Variants in SLC9A9 observed in about 807,000 individuals in gnomAD.
SLC9A9 encodes sodium/hydrogen exchanger 9.
SLC9A9 carries 62 observed loss-of-function variants against 77.8 expected under a neutral mutation model. The ratio of observed to expected loss-of-function variants is 0.80; its 90% CI spans 0.65 to 0.98. The LOEUF is 0.98. Ranked by LOEUF, SLC9A9 falls within the 50% of genes least tolerant of loss-of-function variation. The pLI is 0.00. For missense variants in SLC9A9, 775 were observed against 774.9 expected (o/e 1.00, Z 0.00); for synonymous variants, 320 against 283.5 (o/e 1.13, Z -1.29).
intron 12 of SLC9A9, among the ~76,000 whole-genome samples, chr3:143,422,226 A>G (rs148440947): frequency 6.6e-6 from 1 of 152,194 alleles, no homozygotes; most frequent in Non-Finnish European, 1.5e-5. Context: ...CCAAATGGTT[A>G]TCCCAGCAAT....
In SLC9A9 at chr3:143,670,963, C is replaced by G. The variant is rs142578765; in HGVS notation, c.650-18603G>C. 1.4e-4 allele frequency among the ~76,000 whole-genome samples: 21 copies of G among 152,304 alleles called. No individual in the cohort carries two copies. In the South Asian group the frequency reaches 2.3e-3, roughly 17 times the overall value. ...AAAGCTTGATTGGCACATCACTGTT[C>G]TATTTTGAGAAACAGCAATGGTGTA... On this transcript the variant is annotated intron_variant, in intron 5 of 15. Transcript: ENST00000316549.
chr3:143,269,584 G>A (rs553008084), intron 14 of SLC9A9, among the ~76,000 whole-genome samples: 7 of 152,246 alleles, frequency 4.6e-5, no homozygotes, highest in Non-Finnish European at 1.0e-4. Flanking sequence ...ATTCCAAAGT[G>A]CTCTAACAAG....
chr3:143,619,121 T>C lies in SLC9A9; in HGVS notation c.755+33134A>G, dbSNP rs112861964. Among the ~76,000 whole-genome samples, 985 of 152,336 alleles carry C rather than the reference T, an allele frequency of 6.5e-3. 12 individuals carry two copies. Among genetic ancestry groups the C allele is most frequent in the African/African-American group, 0.022 (903 of 41,568 alleles). On this transcript the variant is annotated intron_variant, in intron 6 of 15. Transcript: ENST00000316549. ...GTAGTTTTCTAAGCCCTGTATTTTA[T>C]TGATATTGTAGAGAGATGTTGAAGA...
intron 12 of SLC9A9, among the ~76,000 whole-genome samples, chr3:143,387,678 C>T (rs1430718438): frequency 6.6e-6 from 1 of 152,008 alleles, no homozygotes; most frequent in Non-Finnish European, 1.5e-5. Flanking sequence ...CAAAACACAT[C>T]TCTTGTGCAC....
At chr3:143,651,547 A>G (rs1281812462) in intron 6 of SLC9A9, among the ~76,000 whole-genome samples, 6 of 152,228 alleles carry the variant, frequency 3.9e-5, no homozygotes, top group African/African-American at 1.4e-4. Flanking sequence ...TTCCTTTGGG[A>G]TATCTGACAG....
At chr3:143,368,277 C>T (rs1438432575) in intron 13 of SLC9A9, among the ~76,000 whole-genome samples, 1 of 152,104 alleles carries the variant, frequency 6.6e-6, no homozygotes, top group Non-Finnish European at 1.5e-5. Context: ...TATGATGGTA[C>T]TCTGTTTTGT....
intron 9 of SLC9A9, among the ~76,000 whole-genome samples, chr3:143,513,298 C>A (rs2036146949): frequency 6.6e-6 from 1 of 152,216 alleles, no homozygotes; most frequent in African/African-American, 2.4e-5. Context: ...TTCACAGCAT[C>A]TTCACAATGG....
intron 2 of SLC9A9, among the ~76,000 whole-genome samples, chr3:143,803,753 C>T (rs1025542955): frequency 5.3e-5 from 8 of 152,154 alleles, no homozygotes; most frequent in African/African-American, 1.9e-4. Flanking sequence ...CCTTAGCAAA[C>T]AATTGCTGGC....
intron 12 of SLC9A9, among the ~76,000 whole-genome samples, chr3:143,384,352 A>G (rs1210218841): frequency 1.3e-5 from 2 of 152,088 alleles, no homozygotes; most frequent in African/African-American, 4.8e-5. Context: ...TGTTCCCTAG[A>G]GGCTTCATTG....
intron 14 of SLC9A9, among the ~76,000 whole-genome samples, chr3:143,303,355 T>G (rs2030617895): frequency 6.6e-6 from 1 of 151,458 alleles, no homozygotes; most frequent in South Asian, 2.1e-4. Flanking sequence ...TCCAGGTGGG[T>G]TTTTTTCTTT....
intron 4 of SLC9A9, among the ~76,000 whole-genome samples, chr3:143,786,074 C>A (rs1022219212): frequency 3.3e-5 from 5 of 151,708 alleles, no homozygotes; most frequent in African/African-American, 1.2e-4. Flanking sequence ...CCAGGATGGT[C>A]TCGATCTCCT....
At chr3:143,765,189 C>A (rs2007275300) in intron 4 of SLC9A9, among the ~76,000 whole-genome samples, 1 of 149,594 alleles carries the variant, frequency 6.7e-6, no homozygotes, top group African/African-American at 2.5e-5. Flanking sequence ...GCCCACCCTT[C>A]CTCCCTTTCT....
chr3:143,565,200 C>T (rs150502999), intron 8 of SLC9A9, among the ~76,000 whole-genome samples: 51 of 152,236 alleles, frequency 3.4e-4, no homozygotes, highest in African/African-American at 1.2e-3. Flanking sequence ...CTCCTTTTGG[C>T]GCATGTATTC....
intron 2 of SLC9A9, among the ~76,000 whole-genome samples, chr3:143,822,036 C>A (rs752369434): frequency 6.6e-6 from 1 of 152,222 alleles, no homozygotes; most frequent in Non-Finnish European, 1.5e-5. Flanking sequence ...CCTCACCCAA[C>A]GTCATGCACT....
At chr3:143,721,191 C>T (rs1289204214) in intron 4 of SLC9A9, among the ~76,000 whole-genome samples, 2 of 152,114 alleles carry the variant, frequency 1.3e-5, no homozygotes, top group Non-Finnish European at 2.9e-5. Flanking sequence ...GCCACTTCCC[C>T]CACACCCCCA....
chr3:143,511,020 C>T (rs986683702), intron 9 of SLC9A9, among the ~76,000 whole-genome samples: 3 of 152,162 alleles, frequency 2.0e-5, no homozygotes, highest in Admixed American at 1.3e-4. Flanking sequence ...TGAAAAGACA[C>T]GATTTCTTCA....
chr3:143,333,789 CT>C (rs1284476012), intron 14 of SLC9A9, among the ~76,000 whole-genome samples: 1 of 152,210 alleles, frequency 6.6e-6, no homozygotes, highest in Non-Finnish European at 1.5e-5. Flanking sequence ...ATGGTTTACT[CT>C]TTTGGCAAAA....
At chr3:143,699,923 T>A (rs1933749160) in intron 4 of SLC9A9, among the ~76,000 whole-genome samples, 1 of 151,502 alleles carries the variant, frequency 6.6e-6, no homozygotes, top group Admixed American at 6.6e-5. Flanking sequence ...CCAAAAGAGA[T>A]CCCTTCCTTC....
At chr3:143,802,601 TC>T (rs1332206914) in intron 2 of SLC9A9, among the ~76,000 whole-genome samples, 1 of 152,190 alleles carries the variant, frequency 6.6e-6, no homozygotes, top group African/African-American at 2.4e-5. Context: ...AGTTTGGCCT[TC>T]CCACCTCTAT....
Sources: allele counts gnomAD v4.1 joint callset (sites outside exome capture counted in the v4.1 genomes callset), GRCh38; gene constraint gnomAD v4.1.1; transcripts MANE v1.5; gene names NCBI Gene and HGNC (gene_info 2026-07-23, HGNC 2026-07-21).